The following TERF1 variants were observed in gnomAD, a reference collection of about 807,000 sequenced individuals.
The protein encoded by TERF1 is telomeric repeat-binding factor 1.
TERF1 carries 20 observed loss-of-function variants against 55.1 expected under a neutral mutation model. The ratio of observed to expected loss-of-function variants is 0.36; its 90% CI spans 0.26 to 0.53. The LOEUF (loss-of-function observed/expected upper bound fraction) is 0.53, where lower values mean the gene tolerates loss of function less well. Among genes scored for constraint, TERF1 ranks in the 20% least tolerant of loss-of-function variants. TERF1 has a pLI of 0.91. For synonymous variants in TERF1, 168 were observed against 181.2 expected (o/e 0.93, Z 0.59); for missense variants, 439 against 535.7 (o/e 0.82, Z 1.78).
chr8:73,039,382 T>G (rs1809739256), intron 9 of TERF1, among the ~76,000 whole-genome samples, 163 bp downstream of exon 9: 1 of 152,198 alleles, frequency 6.6e-6, no homozygotes, highest in South Asian at 2.1e-4. Flanking sequence ...AATCAGCCTA[T>G]TCAAAATGAA....
chr8:73,027,297 G>T (rs1224909809), intron 6 of TERF1, among the ~76,000 whole-genome samples: 1 of 152,054 alleles, frequency 6.6e-6, no homozygotes, highest in Admixed American at 6.6e-5. Flanking sequence ...CCATTCTTGG[G>T]GTATGCTTAG....
chr8:73,036,188 A>G (rs1809497581), intron 8 of TERF1, among the ~76,000 whole-genome samples: 1 of 152,230 alleles, frequency 6.6e-6, no homozygotes, highest in South Asian at 2.1e-4. Flanking sequence ...ACATTGTAAC[A>G]AATAGCAAAC....
intron 9 of TERF1, 77 bp from the exon 10 acceptor site, chr8:73,045,884 A>G: frequency 3.4e-6 from 4 of 1,182,532 alleles, no homozygotes; most frequent in Non-Finnish European, 4.6e-6. Flanking sequence ...TTGATTTTTT[A>G]AAACTGGCAT....
Position 73,008,982 on chromosome 8 carries a change from G to C in TERF1, c.96G>C (p.Glu32Asp). Residue 32 changes from glutamate to aspartate, a missense_variant, in exon 1 of 10, where the codon GAG becomes GAC. Coordinates refer to ENST00000276603, the MANE Select transcript of TERF1 (RefSeq NM_017489.3). ...CTGAGGAGCAGATGGCAGAAACAGA[G>C]AGAAACGACGAGGAGCAGTTCGAAT... ...DPTEEQMAET[E>D]RNDEEQFECQ... 2 of 1,612,696 alleles carry C rather than the reference G, an allele frequency of 1.2e-6. No individual in the cohort carries two copies. The highest frequency in any genetic ancestry group is 1.7e-6 in the Non-Finnish European group (2 of 1,179,734).
intron 8 of TERF1, among the ~76,000 whole-genome samples, chr8:73,036,362 CA>C (rs1809508266): frequency 6.6e-6 from 1 of 152,102 alleles, no homozygotes; most frequent in African/African-American, 2.4e-5. Context: ...TGCTCAGAGC[CA>C]ATAGTGGACT....
chr8:73,023,955 G>A (rs1053118247), intron 4 of TERF1, among the ~76,000 whole-genome samples: 1 of 152,092 alleles, frequency 6.6e-6, no homozygotes, highest in Admixed American at 6.5e-5. Context: ...TAGAATAGCT[G>A]GTTTCACTTT....
chr8:73,021,661 G>C (rs1038853629), intron 3 of TERF1, among the ~76,000 whole-genome samples: 1 of 152,086 alleles, frequency 6.6e-6, no homozygotes, highest in African/African-American at 2.4e-5. Context: ...GGGACACCAA[G>C]AGGTTAAGTA....
At chr8:73,027,703 C>T (rs563250867) in intron 6 of TERF1, among the ~76,000 whole-genome samples, 1 of 152,236 alleles carries the variant, frequency 6.6e-6, no homozygotes, top group African/African-American at 2.4e-5. Flanking sequence ...CTCTGTTCTT[C>T]TACCCTTAAA....
At chr8:73,033,918 A>C (rs1186999510) in intron 8 of TERF1, among the ~76,000 whole-genome samples, 2 of 152,054 alleles carry the variant, frequency 1.3e-5, no homozygotes, top group African/African-American at 4.8e-5. Context: ...GAGGCTAATA[A>C]TTTTGTTTGT....
intron 5 of TERF1, among the ~76,000 whole-genome samples, chr8:73,025,327 C>T (rs1160958328): frequency 6.6e-6 from 1 of 152,096 alleles, no homozygotes; most frequent in African/African-American, 2.4e-5. Context: ...TAAAGAAGGG[C>T]CTTTTAAAAT....
At chr8:73,027,793 A>G (rs1186147092) in intron 6 of TERF1, among the ~76,000 whole-genome samples, 1 of 152,082 alleles carries the variant, frequency 6.6e-6, no homozygotes, top group East Asian at 1.9e-4. Flanking sequence ...TCTTCTTGGG[A>G]CCATGACCTA....
chr8:73,016,930 C>T (rs1165842304), intron 2 of TERF1, among the ~76,000 whole-genome samples: 1 of 152,166 alleles, frequency 6.6e-6, no homozygotes, highest in South Asian at 2.1e-4. Context: ...CAGCTCACCT[C>T]AGAAGGGATT....
rs976504348 is a variant in TERF1, at chr8:73,028,900, C to T, written c.888-1436C>T. On this transcript the variant is annotated intron_variant, in intron 6 of 9. Transcript: ENST00000276603. ...ATTGAGAATTATTTGAAGGTTCTTA[C>T]TTAGCTTTGAAGCATCTTAATTAGC... 4.5e-4 allele frequency among the ~76,000 whole-genome samples: 69 copies of T among 152,290 alleles called. 1 individual carries two copies. Among genetic ancestry groups the T allele is most frequent in the African/African-American group, 1.6e-3 (67 of 41,568 alleles).
chr8:73,035,796 G>T (rs1256781632), intron 8 of TERF1, among the ~76,000 whole-genome samples: 1 of 152,090 alleles, frequency 6.6e-6, no homozygotes, highest in African/African-American at 2.4e-5. Flanking sequence ...CAGTATATAT[G>T]TCAAAATCCC....
rs373553862 is a variant in TERF1 at position 73,024,242 on chromosome 8, A to G, written c.625-580A>G. 3.2e-4 allele frequency among the ~76,000 whole-genome samples: 48 copies of G among 152,356 alleles called. 2 individuals carry two copies. In the East Asian group the frequency reaches 7.1e-3, roughly 23 times the overall value. ...AATAAGTGATGTTTTTGATCAGTGT[A>G]GTACTTTACAATGGCAAAAATAACT... On this transcript the variant is annotated intron_variant, in intron 4 of 9. Transcript: ENST00000276603.
chr8:73,009,114 C>T lies in TERF1; in HGVS notation c.228C>T (p.Gly76=), dbSNP rs779324009. 6.2e-7 allele frequency: 1 copy of T among 1,610,560 alleles called. No homozygotes were observed. Among genetic ancestry groups the T allele is most frequent in the Non-Finnish European group, 8.5e-7 (1 of 1,179,496 alleles). ...CCGAGGCCGAGGCCGTGGCTGCCGG[C>T]TGGATGCTCGATTTCCTCTGCCTCT... ...LVAEAEAVAA[G]WMLDFLCLSL... The change falls in exon 1 of 10, where the codon GGC becomes GGT. Residue 76 remains glycine, a synonymous_variant. Transcript: ENST00000276603.
rs1253004217 is a variant in TERF1, at chr8:73,020,668, G to T, written c.416-16G>T. 6.3e-7 allele frequency: 1 copy of T among 1,574,818 alleles called. No homozygotes were observed. Among genetic ancestry groups the T allele is most frequent in the Non-Finnish European group, 8.6e-7 (1 of 1,166,218 alleles). ...TTAGCTTTCTGAGTTACTTATTTTTGTTCTGTTTTTAAAAGATGCACAGTT... is the reference window on the plus strand; with the variant it reads ...TTAGCTTTCTGAGTTACTTATTTTTTTTCTGTTTTTAAAAGATGCACAGTT... On this transcript the variant is annotated splice_polypyrimidine_tract_variant and intron_variant, in intron 2 of 9. Coordinates refer to ENST00000276603, the MANE Select transcript of TERF1 (RefSeq NM_017489.3).
intron 1 of TERF1, chr8:73,013,622 A>G (rs563735516): frequency 1.4e-4 from 40 of 286,958 alleles, no homozygotes; most frequent in East Asian, 8.7e-4. Flanking sequence ...ACATTTTACA[A>G]TTTGTATCTA....
chr8:73,018,503 C>G (rs1293260748), intron 2 of TERF1, among the ~76,000 whole-genome samples: 4 of 152,054 alleles, frequency 2.6e-5, no homozygotes, highest in African/African-American at 9.7e-5. Flanking sequence ...TGGCAAAACC[C>G]CGTCTCTACT....
Sources: gnomAD v4.1 joint callset for allele counts (sites outside exome capture counted in the v4.1 genomes callset) on GRCh38, gnomAD v4.1.1 for gene constraint, MANE v1.5 for transcripts, NCBI Gene and HGNC (gene_info 2026-07-23, HGNC 2026-07-21) for gene names.